The following PARN variants were observed in gnomAD, a reference collection of about 807,000 sequenced individuals.
PARN encodes poly(A)-specific ribonuclease.
PARN carries 71 observed loss-of-function variants against 102.8 expected under a neutral mutation model. The observed-to-expected ratio is 0.69, with a 90% confidence interval of 0.57 to 0.84. PARN has a LOEUF of 0.84. Ranked by LOEUF, PARN falls within the 40% of genes least tolerant of loss-of-function variation. The probability of loss-of-function intolerance (pLI) is 0.00; values close to 1 mark genes in which losing one functional copy is unlikely to be tolerated. For missense variants in PARN, 782 were observed against 760.9 expected, an observed-to-expected ratio of 1.03 and a Z score of -0.33; for synonymous variants, 261 against 252.9, an observed-to-expected ratio of 1.03 and a Z score of -0.30.
At chr16:14,582,006 C>A (rs553859032) in intron 17 of PARN, among the ~76,000 whole-genome samples, 175 bp downstream of exon 17, 1 of 152,224 alleles carries the variant, frequency 6.6e-6, no homozygotes, top group African/African-American at 2.4e-5. Flanking sequence ...TCACCAGATA[C>A]TAGGTCTGCT....
chr16:14,576,550 G>A (rs1484592386), intron 18 of PARN, among the ~76,000 whole-genome samples: 1 of 152,196 alleles, frequency 6.6e-6, no homozygotes. Flanking sequence ...AAAGCAGAGA[G>A]CATTTTTAGC....
chr16:14,552,233 C>A, intron 20 of PARN, 138 bp from the exon 21 acceptor site: 2 of 606,730 alleles, frequency 3.3e-6, no homozygotes, highest in Non-Finnish European at 5.8e-6. Flanking sequence ...TGATCAAAAT[C>A]TCAGCCCTAC....
At chr16:14,527,139 T>G (rs1966052019) in intron 21 of PARN, among the ~76,000 whole-genome samples, 1 of 152,206 alleles carries the variant, frequency 6.6e-6, no homozygotes, top group Non-Finnish European at 1.5e-5. Flanking sequence ...ACTCTTAAAG[T>G]TCCATGTCAC....
intron 21 of PARN, among the ~76,000 whole-genome samples, chr16:14,486,470 G>T (rs1429900072): frequency 6.6e-6 from 1 of 152,246 alleles, no homozygotes; most frequent in Non-Finnish European, 1.5e-5. Context: ...CAGGGTCACA[G>T]GCGAGCTGAG....
chr16:14,560,205 T>TA (rs1230893971), intron 18 of PARN, among the ~76,000 whole-genome samples: 1 of 152,226 alleles, frequency 6.6e-6, no homozygotes, highest in African/African-American at 2.4e-5. Flanking sequence ...GAAATGCTGA[T>TA]AAAGACATGA....
At chr16:14,447,741 G>A (rs576301983) in intron 22 of PARN, among the ~76,000 whole-genome samples, 31 of 152,162 alleles carry the variant, frequency 2.0e-4, no homozygotes, top group Non-Finnish European at 3.4e-4. Flanking sequence ...TAAAAACAGC[G>A]TCCACATAGC....
At chr16:14,504,979 T>C (rs1964813914) in intron 21 of PARN, among the ~76,000 whole-genome samples, 1 of 152,184 alleles carries the variant, frequency 6.6e-6, no homozygotes, top group African/African-American at 2.4e-5. Context: ...TGCAGTGCTA[T>C]GGAGAAAACA....
At chr16:14,592,445 G>C (rs751330453) in intron 13 of PARN, among the ~76,000 whole-genome samples, 1 of 152,166 alleles carries the variant, frequency 6.6e-6, no homozygotes, top group Non-Finnish European at 1.5e-5. Flanking sequence ...TAAAAGAGTG[G>C]AGCGCAGAGT....
At position 14,593,306 on chromosome 16, in the gene PARN, G is replaced by A; in HGVS notation, c.913C>T (p.Pro305Ser). ...HTVHQFYCPL[P>S]ADLSEFKEMT... Reference sequence around the variant, plus strand: ...CAGACCAACAGGTCACTTACCGCAGGCAGAGGGCAGTAGAACTGATGAACT... The same window carrying A: ...CAGACCAACAGGTCACTTACCGCAGACAGAGGGCAGTAGAACTGATGAACT... Residue 305 changes from proline to serine, a missense_variant, in exon 13 of 24, where the codon CCT becomes TCT. Physicochemically the swap from Pro to Ser is moderately conservative, Grantham distance 74. Coordinates refer to ENST00000437198, the MANE Select transcript of PARN (RefSeq NM_002582.4). 6.4e-7 allele frequency: 1 copy of A among 1,563,500 alleles called. No homozygotes were observed. Among genetic ancestry groups the A allele is most frequent in the Non-Finnish European group, 8.8e-7 (1 of 1,134,360 alleles).
chr16:14,598,134 C>A (rs1255093534), intron 12 of PARN, among the ~76,000 whole-genome samples: 7 of 151,682 alleles, frequency 4.6e-5, no homozygotes, highest in African/African-American at 1.7e-4. Context: ...CAGAGCGAGA[C>A]TCCGGCTCAA....
intron 22 of PARN, among the ~76,000 whole-genome samples, chr16:14,455,123 A>C (rs1961621690): frequency 6.6e-6 from 1 of 152,252 alleles, no homozygotes; most frequent in Admixed American, 6.5e-5. Flanking sequence ...TTTAAAACAC[A>C]CAAGTATTAA....
At chr16:14,472,486 A>C (rs541618607) in intron 22 of PARN, among the ~76,000 whole-genome samples, 1 of 152,194 alleles carries the variant, frequency 6.6e-6, no homozygotes, top group Non-Finnish European at 1.5e-5. Context: ...GGTCTCTACC[A>C]CTTTTCCAGT....
intron 18 of PARN, among the ~76,000 whole-genome samples, chr16:14,557,482 T>TGGAGGCAA (rs1275290123): frequency 6.9e-6 from 1 of 145,624 alleles, no homozygotes; most frequent in East Asian, 2.0e-4. Context: ...GCTTGAACCA[T>TGGAGGCAA]GGAGGCGGAG....
intron 12 of PARN, among the ~76,000 whole-genome samples, chr16:14,593,961 C>G (rs1293332922): frequency 2.0e-5 from 3 of 151,688 alleles, no homozygotes; most frequent in African/African-American, 7.3e-5. Flanking sequence ...TGCACCACTG[C>G]ACTCCAGCCT....
chr16:14,593,231 C>T (rs990755806), intron 13 of PARN, 70 bp downstream of exon 13: 3 of 844,278 alleles, frequency 3.6e-6, no homozygotes, highest in African/African-American at 1.7e-5. Context: ...CAGTTAAAAG[C>T]ATCATAATAA....
intron 6 of PARN, among the ~76,000 whole-genome samples, chr16:14,617,028 G>C (rs538347836): frequency 6.7e-6 from 1 of 149,206 alleles, no homozygotes; most frequent in South Asian, 2.1e-4. Context: ...AAATGAAGTA[G>C]TATCTATTCT....
At chr16:14,614,326 T>C (rs1218856550) in intron 6 of PARN, among the ~76,000 whole-genome samples, 1 of 151,448 alleles carries the variant, frequency 6.6e-6, no homozygotes, top group Admixed American at 6.6e-5. Flanking sequence ...GACGCTGCCA[T>C]TGGTATAGAG....
At chr16:14,486,971 G>A (rs1423423486) in intron 21 of PARN, among the ~76,000 whole-genome samples, 2 of 152,348 alleles carry the variant, frequency 1.3e-5, no homozygotes, top group East Asian at 3.9e-4. Flanking sequence ...GAGGTGAGTG[G>A]GAGCAGTTCC....
intron 18 of PARN, among the ~76,000 whole-genome samples, chr16:14,574,789 G>A (rs1969018441): frequency 1.3e-5 from 2 of 152,208 alleles, no homozygotes; most frequent in Non-Finnish European, 2.9e-5. Flanking sequence ...GTAATGAGGA[G>A]CCAAAGACAA....
Sources: gnomAD v4.1 joint callset for allele counts (sites outside exome capture counted in the v4.1 genomes callset) on GRCh38, gnomAD v4.1.1 for gene constraint, MANE v1.5 for transcripts, NCBI Gene and HGNC (gene_info 2026-07-23, HGNC 2026-07-21) for gene names.